The following SEMA3F variants were observed in gnomAD, a reference collection of about 807,000 sequenced individuals.
SEMA3F encodes the protein semaphorin-3F.
SEMA3F carries 30 observed loss-of-function variants against 98.5 expected under a neutral mutation model. The observed-to-expected ratio is 0.30, with a 90% CI of 0.23 to 0.41. The LOEUF is 0.41. Among genes scored for constraint, SEMA3F ranks in the 10% least tolerant of loss-of-function variants. The probability of loss-of-function intolerance (pLI) is 1.00; values close to 1 mark genes in which losing one functional copy is unlikely to be tolerated. For synonymous variants in SEMA3F, 380 were observed against 444.8 expected (o/e 0.85, Z 1.83); for missense variants, 866 against 1,119.3 (o/e 0.77, Z 3.23).
Position 50,182,264 on chromosome 3 carries a change from A to G in SEMA3F, c.644-20A>G, listed in dbSNP as rs746487065. On this transcript the variant is annotated intron_variant, in intron 7 of 18. Coordinates refer to ENST00000002829, the MANE Select transcript of SEMA3F (RefSeq NM_004186.5). This position sits in a 1 kb window ranked among gnomAD's most constrained non-coding sequence, Gnocchi z 4.5. ...CTAGCAAACAGCAGCCCCCCAACTGACCCACTGGCCTACCCACAGATGAGG... is the reference window on the plus strand; with the variant it reads ...CTAGCAAACAGCAGCCCCCCAACTGGCCCACTGGCCTACCCACAGATGAGG... The G allele has an allele frequency of 6.2e-7, 1 of 1,613,898 alleles. No individual in the cohort carries two copies. Among genetic ancestry groups the G allele is most frequent in the Non-Finnish European group, 8.5e-7 (1 of 1,179,998 alleles).
intron 2 of SEMA3F, among the ~76,000 whole-genome samples, chr3:50,162,929 A>G (rs543953881): frequency 6.6e-6 from 1 of 152,316 alleles, no homozygotes; most frequent in East Asian, 1.9e-4. Flanking sequence ...GTAGGAGCCC[A>G]TGAGGATAAC....
chr3:50,185,843 G>T, intron 15 of SEMA3F, 46 bp from the exon 16 acceptor site: 1 of 1,606,342 alleles, frequency 6.2e-7, no homozygotes, highest in South Asian at 1.1e-5. Flanking sequence ...TGTTGGTGGG[G>T]CTGGCTATGG....
At chr3:50,159,125 T>G (rs1698107054) in intron 1 of SEMA3F, 1 of 154,150 alleles carries the variant, frequency 6.5e-6, no homozygotes, top group Admixed American at 6.5e-5. Context: ...CAGGTTTCTC[T>G]GTACTGGGAG....
chr3:50,169,251 C>T (rs920427496), intron 2 of SEMA3F, among the ~76,000 whole-genome samples: 4 of 152,144 alleles, frequency 2.6e-5, no homozygotes, highest in Admixed American at 6.5e-5. Context: ...CTCACCTGCC[C>T]GCACCTTTAA....
At position 50,183,031 on chromosome 3, in the gene SEMA3F, C is replaced by G; in HGVS notation, c.1018+13C>G. 1 of 1,606,770 alleles carries G rather than the reference C, an allele frequency of 6.2e-7. No homozygotes were observed. The highest frequency in any genetic ancestry group is 1.1e-5 in the South Asian group (1 of 90,928). On this transcript the variant is annotated intron_variant, in intron 10 of 18. Transcript: ENST00000002829. ...TTTGATGAGCTCCGTGAGTGCCCAG[C>G]AGGCAGGCAGGGTGCTCTGGCTACA... is the stretch of plus-strand genomic sequence containing the variant.
At position 50,187,998 on chromosome 3, in the gene SEMA3F, G is replaced by C. The variant is rs1180370179; in HGVS notation, c.2241G>C (p.Gln747His). 6.2e-7 allele frequency: 1 copy of C among 1,605,902 alleles called. No homozygotes were observed. Among genetic ancestry groups the C allele is most frequent in the African/African-American group, 1.3e-5 (1 of 74,474 alleles). The change falls in exon 19 of 19, where the codon CAG (glutamine) becomes CAC (histidine). Residue 747 changes from glutamine (Q) to histidine (H), a missense_variant. By Grantham distance (24) the Gln-to-His change is conservative. This residue lies in a region of SEMA3F where 245 missense variants were observed against 260.5 expected (regional missense o/e 0.94). Coordinates refer to ENST00000002829, the MANE Select transcript of SEMA3F (RefSeq NM_004186.5). The stretch of plus-strand genomic sequence containing the variant: ...TGGGCCTCATCCACCAGTACTGCCA[G>C]GGTTACTGGCGCCATGTGCCCCCCA... ...PEVGLIHQYC[Q>H]GYWRHVPPSP... is the part of the protein sequence containing the mutation.
At chr3:50,163,857 C>T (rs920158330) in intron 2 of SEMA3F, among the ~76,000 whole-genome samples, 12 of 152,132 alleles carry the variant, frequency 7.9e-5, no homozygotes, top group African/African-American at 1.4e-4. Flanking sequence ...TTCCAGGATA[C>T]GCCAGGATGA....
chr3:50,158,584 G>A lies in SEMA3F; in HGVS notation c.-48-991G>A, dbSNP rs1169769606. ...ATGGGCCTGGGGTCCTGCCTGCCACGGAAGAAGGGAGTACACAGGGCAGAT... is the reference window on the plus strand; with the variant it reads ...ATGGGCCTGGGGTCCTGCCTGCCACAGAAGAAGGGAGTACACAGGGCAGAT... On this transcript the variant is annotated intron_variant, in intron 1 of 18. Coordinates refer to ENST00000002829, the MANE Select transcript of SEMA3F (RefSeq NM_004186.5). The surrounding 1 kb of genome is among the most constrained non-coding windows in gnomAD (Gnocchi z 4.8). 2.0e-5 allele frequency among the ~76,000 whole-genome samples: 3 copies of A among 152,206 alleles called. No homozygotes were observed. The highest frequency in any genetic ancestry group is 4.4e-5 in the Non-Finnish European group (3 of 68,028).
rs775225085 is a variant in SEMA3F at position 50,186,647 on chromosome 3, C to T, written c.1848C>T (p.Gly616=). 1.3e-5 allele frequency: 21 copies of T among 1,607,390 alleles called. No individual in the cohort carries two copies. The highest frequency in any genetic ancestry group is 2.2e-5 in the East Asian group (1 of 44,678). The stretch of plus-strand genomic sequence containing the variant: ...ATGCCGTGGAGTCTGTGCAGTATGG[C>T]GTGGCCGGCAGCGCAGCCTTCCTTG... ...NKNAVESVQY[G]VAGSAAFLEC... Residue 616 remains glycine, a synonymous_variant, in exon 18 of 19, where the codon GGC becomes GGT. Transcript: ENST00000002829.
Position 50,185,516 on chromosome 3 carries a change from G to A in SEMA3F, c.1530G>A (p.Glu510=). 1 of 1,613,990 alleles carries A rather than the reference G, an allele frequency of 6.2e-7. No homozygotes were observed. The highest frequency in any genetic ancestry group is 8.5e-7 in the Non-Finnish European group (1 of 1,179,902). ...AGTTGGAGGAGCTCATGCTGGAGGA[G>A]GTGGAGGTCTTCAAGGTGGGTGTGA... ...DQELEELMLE[E]VEVFKDPAPV... The change falls in exon 14 of 19, where the codon GAG becomes GAA. Residue 510 remains glutamate (E), a synonymous_variant. Transcript: ENST00000002829.
In SEMA3F at chr3:50,158,845, C is replaced by G. The variant is rs944764170; in HGVS notation, c.-48-730C>G. ...TGGGGGATTCTGAAGGTGGCAATGC[C>G]GCTGGCCCAGATCCAGCCCCAGGCC... On this transcript the variant is annotated intron_variant, in intron 1 of 18. Coordinates refer to ENST00000002829, the MANE Select transcript of SEMA3F (RefSeq NM_004186.5). This position sits in a 1 kb window ranked among gnomAD's most constrained non-coding sequence, Gnocchi z 4.8. 6.6e-6 allele frequency among the ~76,000 whole-genome samples: 1 copy of G among 152,198 alleles called. No individual in the cohort carries two copies. The highest frequency in any genetic ancestry group is 2.4e-5 in the African/African-American group (1 of 41,436).
Position 50,182,184 on chromosome 3 carries a change from C to A in SEMA3F, c.644-100C>A. 2 of 1,469,166 alleles carry A rather than the reference C, an allele frequency of 1.4e-6. No homozygotes were observed. The highest frequency in any genetic ancestry group is 9.5e-7 in the Non-Finnish European group (1 of 1,056,156). 91.0% of individuals were successfully genotyped at this position (1,469,166 alleles called of 1,614,324 possible). Reference sequence around the variant, plus strand: ...GGAGATAGGATCATGCCCCAGGGAGCCTGAGCGGGGAGATAAGGCCCTGCC... The same window carrying A: ...GGAGATAGGATCATGCCCCAGGGAGACTGAGCGGGGAGATAAGGCCCTGCC... On this transcript the variant is annotated intron_variant, in intron 7 of 18. Transcript: ENST00000002829. This position sits in a 1 kb window ranked among gnomAD's most constrained non-coding sequence, Gnocchi z 4.5.
Position 50,175,149 on chromosome 3 carries a change from G to A in SEMA3F, c.510G>A (p.Thr170=), listed in dbSNP as rs758504768. 41 of 1,607,772 alleles carry A rather than the reference G, an allele frequency of 2.6e-5. No homozygotes were observed. Among genetic ancestry groups the A allele is most frequent in the Non-Finnish European group, 3.3e-5 (39 of 1,177,508 alleles). ...QAVRGRGSRA[T]DGALRPMPTA... is the part of the protein sequence containing the mutation. ...TCAGAGGCCGCGGCAGCAGAGCCACGGATGGTGCCCTCCGCCCGATGCCCA... is the reference window on the plus strand; with the variant it reads ...TCAGAGGCCGCGGCAGCAGAGCCACAGATGGTGCCCTCCGCCCGATGCCCA... Residue 170 remains threonine, a synonymous_variant, in exon 6 of 19, where the codon ACG becomes ACA. Coordinates refer to ENST00000002829, the MANE Select transcript of SEMA3F (RefSeq NM_004186.5).
At chr3:50,161,794 G>A (rs1261597145) in intron 2 of SEMA3F, among the ~76,000 whole-genome samples, 2 of 152,228 alleles carry the variant, frequency 1.3e-5, no homozygotes, top group African/African-American at 4.8e-5. Context: ...GGGCCATCTG[G>A]GAGCCCAGCA....
chr3:50,160,562 T>G (rs1698166795), intron 2 of SEMA3F, among the ~76,000 whole-genome samples: 1 of 152,058 alleles, frequency 6.6e-6, no homozygotes, highest in Admixed American at 6.5e-5. Context: ...GGGCCCAGGG[T>G]GAGGGGCAGT....
intron 6 of SEMA3F, among the ~76,000 whole-genome samples, chr3:50,175,721 G>A (rs1430040101): frequency 1.3e-5 from 2 of 151,820 alleles, no homozygotes; most frequent in Admixed American, 6.6e-5. Context: ...CTGGGCAGGG[G>A]CGGGCAGGGG....
intron 14 of SEMA3F, 38 bp from the exon 15 acceptor site, chr3:50,185,628 G>T (rs768100153): frequency 2.5e-6 from 4 of 1,613,396 alleles, no homozygotes; most frequent in South Asian, 1.1e-5. Flanking sequence ...CAGGGAGGGG[G>T]TCCCTGGCAT....
chr3:50,166,643 G>A lies in SEMA3F; in HGVS notation c.112+6909G>A, dbSNP rs1282784065. Among the ~76,000 whole-genome samples, 2 of 152,160 alleles carry A rather than the reference G, an allele frequency of 1.3e-5. No individual in the cohort carries two copies. The highest frequency in any genetic ancestry group is 2.1e-4 in the South Asian group (1 of 4,826). ...GGGCTAAGACTGTCTGGAACATCCC[G>A]GGAATCTCTGGGTGGGTGTTGTGAA... On this transcript the variant is annotated intron_variant, in intron 2 of 18. Transcript: ENST00000002829. The surrounding 1 kb of genome is among the most constrained non-coding windows in gnomAD (Gnocchi z 4.7).
chr3:50,167,518 C>T (rs1228210396), intron 2 of SEMA3F, among the ~76,000 whole-genome samples: 2 of 152,322 alleles, frequency 1.3e-5, no homozygotes, highest in South Asian at 4.1e-4. Flanking sequence ...GCGGAACGGG[C>T]GTGGGAACAG....
Sources: gnomAD v4.1 joint callset for allele counts (sites outside exome capture counted in the v4.1 genomes callset) on GRCh38, gnomAD v4.1.1 for gene constraint, gnomAD v4.1.1 regional missense constraint, Gnocchi (gnomAD v3.1) non-coding constraint, MANE v1.5 for transcripts, NCBI Gene and HGNC (gene_info 2026-07-23, HGNC 2026-07-21) for gene names.